The following DAPK2 variants were observed in gnomAD, a reference collection of about 807,000 sequenced individuals.
DAPK2 encodes the protein death-associated protein kinase 2.
A neutral mutation model predicts 44.1 loss-of-function variants in DAPK2; 35 were observed. That is an observed-to-expected ratio of 0.79 (90% CI 0.61 to 1.05). The LOEUF (loss-of-function observed/expected upper bound fraction) is 1.05, where lower values mean the gene tolerates loss of function less well. Among genes scored for constraint, DAPK2 ranks in the 50% least tolerant of loss-of-function variants. The pLI, the probability that DAPK2 is intolerant of heterozygous loss-of-function variation, is 0.00. For synonymous variants in DAPK2, 174 were observed against 182.6 expected (o/e 0.95, Z 0.38); for missense variants, 453 against 483.2 (o/e 0.94, Z 0.59).
At chr15:63,951,808 C>T (rs140079595) in intron 3 of DAPK2, among the ~76,000 whole-genome samples, 9 of 152,328 alleles carry the variant, frequency 5.9e-5, no homozygotes, top group East Asian at 1.9e-4. Context: ...CTTGGCCATC[C>T]GTGTGTGTGC....
At chr15:64,018,728 G>A (rs573031102) in intron 1 of DAPK2, among the ~76,000 whole-genome samples, 1 of 152,340 alleles carries the variant, frequency 6.6e-6, no homozygotes, top group Admixed American at 6.5e-5. Context: ...TACACCTGGG[G>A]CTGCCTCTTA....
At chr15:63,953,940 A>T (rs954742302) in intron 3 of DAPK2, among the ~76,000 whole-genome samples, 5 of 152,080 alleles carry the variant, frequency 3.3e-5, no homozygotes, top group Non-Finnish European at 5.9e-5. Flanking sequence ...GTCTATTCAG[A>T]TCTTTTGCCC....
chr15:64,035,324 C>T (rs2080150005), intron 1 of DAPK2, among the ~76,000 whole-genome samples: 1 of 152,182 alleles, frequency 6.6e-6, no homozygotes, highest in Admixed American at 6.5e-5. Context: ...CTGGGCCTAT[C>T]TACTAGCACC....
intron 1 of DAPK2, among the ~76,000 whole-genome samples, chr15:64,039,479 G>A (rs1379027156): frequency 6.6e-6 from 1 of 152,190 alleles, no homozygotes; most frequent in African/African-American, 2.4e-5. Context: ...CCTATTTCAT[G>A]CATTGTTATG....
upstream of DAPK2, among the ~76,000 whole-genome samples, chr15:64,041,511 C>T (rs1025392753): frequency 1.3e-5 from 2 of 152,208 alleles, no homozygotes; most frequent in Non-Finnish European, 2.9e-5. Flanking sequence ...AAGAGCAGGG[C>T]GCAGGGCACA....
At chr15:63,957,144 C>T (rs1258672713) in intron 3 of DAPK2, among the ~76,000 whole-genome samples, 4 of 152,218 alleles carry the variant, frequency 2.6e-5, no homozygotes, top group Non-Finnish European at 4.4e-5. Context: ...TATCTTCTTG[C>T]TTAACTGACC....
chr15:63,968,009 A>G (rs1021920682), intron 3 of DAPK2, among the ~76,000 whole-genome samples: 1 of 152,202 alleles, frequency 6.6e-6, no homozygotes, highest in Non-Finnish European at 1.5e-5. Context: ...TATAAGCAGG[A>G]GAGGAAAGTG....
chr15:64,038,672 C>T (rs393835), intron 1 of DAPK2, among the ~76,000 whole-genome samples: 124,902 of 151,928 alleles, frequency 0.82, 51,646 homozygotes, highest in East Asian at 0.92. Context: ...AGCTCTGTTT[C>T]ATCTTTGAAA....
At chr15:63,932,818 T>C (rs1245441991) in intron 4 of DAPK2, 1 of 152,216 alleles carries the variant, frequency 6.6e-6, no homozygotes, top group South Asian at 2.1e-4. Flanking sequence ...AAAAATGCTG[T>C]CATACTGCAT....
At chr15:64,002,954 G>GGGA (rs1244295420) in intron 1 of DAPK2, among the ~76,000 whole-genome samples, 23 of 128,594 alleles carry the variant, frequency 1.8e-4, no homozygotes, top group Admixed American at 1.4e-3. Context: ...GTGTGTGTGT[G>GGGA]TGTGTGTGTG....
At chr15:63,984,909 T>C (rs1343042903) in intron 1 of DAPK2, among the ~76,000 whole-genome samples, 3 of 152,212 alleles carry the variant, frequency 2.0e-5, no homozygotes, top group African/African-American at 7.2e-5. Context: ...TGAGACAGTC[T>C]TCAAAATACC....
chr15:64,006,707 C>A (rs2079240254), intron 1 of DAPK2, among the ~76,000 whole-genome samples: 1 of 152,192 alleles, frequency 6.6e-6, no homozygotes, highest in Non-Finnish European at 1.5e-5. Flanking sequence ...ACCTATTCTC[C>A]CGGGCAGTGA....
chr15:63,971,920 G>A lies in DAPK2; in HGVS notation c.315-359C>T, dbSNP rs113706666. Among the ~76,000 whole-genome samples, 469 of 152,310 alleles carry A rather than the reference G, an allele frequency of 3.1e-3. 3 individuals carry two copies. The highest frequency in any genetic ancestry group is 8.4e-3 in the African/African-American group (349 of 41,572). On this transcript the variant is annotated intron_variant, in intron 2 of 10. Coordinates refer to ENST00000261891, the Ensembl canonical transcript of DAPK2. Reference sequence around the variant, plus strand: ...CAGATTATTTAGCCTGAATGTTTGCGTTCCTCCAAGTTCATATTTTGAAAT... The same window carrying A: ...CAGATTATTTAGCCTGAATGTTTGCATTCCTCCAAGTTCATATTTTGAAAT...
intron 8 of DAPK2, among the ~76,000 whole-genome samples, chr15:63,914,858 CA>C (rs1404795410): frequency 1.3e-5 from 2 of 152,204 alleles, no homozygotes; most frequent in African/African-American, 4.8e-5. Flanking sequence ...TATAAAGTAG[CA>C]AGCCAACTTC....
At chr15:63,951,605 T>C (rs972291843) in intron 3 of DAPK2, among the ~76,000 whole-genome samples, 3 of 151,928 alleles carry the variant, frequency 2.0e-5, no homozygotes, top group Admixed American at 6.6e-5. Flanking sequence ...TTATTTCCGA[T>C]GGCATCCCCA....
intron 1 of DAPK2, among the ~76,000 whole-genome samples, chr15:64,039,048 C>T (rs1372844993): frequency 1.3e-5 from 2 of 152,242 alleles, no homozygotes; most frequent in Non-Finnish European, 2.9e-5. Context: ...TTGTCCCGCC[C>T]TTCCAGACCA....
intron 1 of DAPK2, among the ~76,000 whole-genome samples, chr15:63,996,809 C>G (rs748880865): frequency 1.3e-5 from 2 of 152,154 alleles, no homozygotes; most frequent in Non-Finnish European, 2.9e-5. Flanking sequence ...CATGTACAGC[C>G]GATCCTAATG....
chr15:63,942,618 C>G (rs957323489), intron 3 of DAPK2, among the ~76,000 whole-genome samples: 6 of 151,986 alleles, frequency 3.9e-5, no homozygotes, highest in African/African-American at 1.5e-4. Flanking sequence ...AGGGCAGGGC[C>G]ATGTTTCCCC....
chr15:63,940,574 T>C (rs773689943), intron 3 of DAPK2, among the ~76,000 whole-genome samples: 5 of 151,914 alleles, frequency 3.3e-5, no homozygotes, highest in Non-Finnish European at 5.9e-5. Flanking sequence ...TAGGTGGGTG[T>C]GGTGGCGCAC....
Sources: gnomAD v4.1 joint callset for allele counts (sites outside exome capture counted in the v4.1 genomes callset) on GRCh38, gnomAD v4.1.1 for gene constraint, MANE v1.5 for transcripts, NCBI Gene and HGNC (gene_info 2026-07-23, HGNC 2026-07-21) for gene names.